The following HNF4A variants were observed in gnomAD, a reference collection of about 807,000 sequenced individuals.
HNF4A encodes the protein hepatocyte nuclear factor 4 alpha.
Under a neutral mutation model 52.4 loss-of-function variants are expected in HNF4A, and 15 were observed. The observed-to-expected ratio is 0.29, with a 90% CI of 0.19 to 0.44. The LOEUF is 0.44. HNF4A is among the 20% of genes least tolerant of loss of function. HNF4A has a pLI of 1.00. For synonymous variants in HNF4A, 280 were observed against 264.4 expected (o/e 1.06, Z -0.57); for missense variants, 479 against 647.2 (o/e 0.74, Z 2.82).
At chr20:44,395,935 G>A (rs1161274920) in intron 1 of HNF4A, among the ~76,000 whole-genome samples, 2 of 152,154 alleles carry the variant, frequency 1.3e-5, no homozygotes, top group African/African-American at 4.8e-5. Context: ...CAGCCCTGGG[G>A]TGGCCAGGCG....
chr20:44,426,288 A>AG (rs1011290974), intron 8 of HNF4A, among the ~76,000 whole-genome samples: 2 of 152,190 alleles, frequency 1.3e-5, no homozygotes, highest in Non-Finnish European at 2.9e-5. Flanking sequence ...TTGGATTGAC[A>AG]GCTGGAGGCT....
In HNF4A at chr20:44,419,774, G is replaced by T; in HGVS notation, c.790G>T (p.Val264Leu). ...CCCGGAGCTGGCGGAGATGAGCCGGGTGTCCATACGCATCCTTGACGAGCT... is the reference window on the plus strand; with the variant it reads ...CCCGGAGCTGGCGGAGATGAGCCGGTTGTCCATACGCATCCTTGACGAGCT... Residue 264 changes from valine to leucine, a missense_variant, in exon 7 of 10, where the codon GTG becomes TTG. Around this residue, in one of 3 missense-constraint regions of HNF4A, gnomAD observed 389 missense variants for 525.1 expected, o/e 0.74. Transcript: ENST00000316099. 1 of 1,614,206 alleles carries T rather than the reference G, an allele frequency of 6.2e-7. No individual in the cohort carries two copies. The highest frequency in any genetic ancestry group is 8.5e-7 in the Non-Finnish European group (1 of 1,180,026).
intron 1 of HNF4A, among the ~76,000 whole-genome samples, chr20:44,367,709 G>A (rs1193277602): frequency 1.3e-5 from 2 of 151,860 alleles, no homozygotes; most frequent in African/African-American, 2.4e-5. Flanking sequence ...CACTTTGGGA[G>A]GCTGAGGCAA....
At chr20:44,375,883 A>G (rs961069472) in intron 1 of HNF4A, among the ~76,000 whole-genome samples, 1 of 152,180 alleles carries the variant, frequency 6.6e-6, no homozygotes, top group Non-Finnish European at 1.5e-5. Context: ...ATTGACACCT[A>G]TGCAAGCTCT....
In HNF4A at chr20:44,424,396, T is replaced by C. The variant is rs1262587908; in HGVS notation, c.1129+142T>C. On this transcript the variant is annotated intron_variant, in intron 8 of 9. Transcript: ENST00000316099. ...GTTGCTTAACCTGTCTGTGCCTCAG[T>C]TTCCTCACCAGAAAAATGGGAACAA... 3 of 1,403,442 alleles carry C rather than the reference T, an allele frequency of 2.1e-6. No homozygotes were observed. In the African/African-American group the frequency reaches 4.3e-5, roughly 20 times the overall value. 86.9% of individuals were successfully genotyped at this position (1,403,442 alleles called of 1,614,324 possible).
In HNF4A at chr20:44,401,725, G is replaced by A. The variant is rs114091401; in HGVS notation, c.115+238G>A. Among the ~76,000 whole-genome samples the A allele has an allele frequency of 1.2e-3, 187 of 152,350 alleles. 2 individuals carry two copies. The highest frequency in any genetic ancestry group is 4.4e-3 in the African/African-American group (185 of 41,584). ...CAATTTCCAGCAAAAGTCGATCCCG[G>A]CTATTCCTCCCAGGCCCTTCCAGTC... On this transcript the variant is annotated intron_variant, in intron 1 of 9. Transcript: ENST00000316099.
intron 3 of HNF4A, among the ~76,000 whole-genome samples, chr20:44,411,977 A>G (rs2063590847): frequency 1.3e-5 from 2 of 151,794 alleles, no homozygotes; most frequent in African/African-American, 2.4e-5. Flanking sequence ...GGATCGCTTG[A>G]GCCCAGGAGG....
At chr20:44,425,952 G>A (rs192597137) in intron 8 of HNF4A, among the ~76,000 whole-genome samples, 69 of 152,272 alleles carry the variant, frequency 4.5e-4, no homozygotes, top group Non-Finnish European at 8.8e-4. Context: ...GAGCCACCAT[G>A]CCCAGCCTCA....
intron 1 of HNF4A, chr20:44,391,314 G>A (rs2063299510): frequency 6.6e-6 from 1 of 152,438 alleles, no homozygotes; most frequent in South Asian, 2.1e-4. Context: ...TCCATCCAGG[G>A]GACACCTTCC....
intron 1 of HNF4A, among the ~76,000 whole-genome samples, chr20:44,367,629 C>A: frequency 7.3e-6 from 1 of 137,068 alleles, no homozygotes. Flanking sequence ...AACAGAGCAA[C>A]ACTCCGTCTC....
intron 1 of HNF4A, among the ~76,000 whole-genome samples, chr20:44,393,028 G>C (rs1239735912): frequency 1.3e-5 from 2 of 152,176 alleles, no homozygotes; most frequent in Non-Finnish European, 2.9e-5. Flanking sequence ...CTTCACCTTA[G>C]TGACCTGGCA....
chr20:44,397,527 C>A (rs1010630862), upstream of HNF4A, among the ~76,000 whole-genome samples: 1 of 152,166 alleles, frequency 6.6e-6, no homozygotes, highest in African/African-American at 2.4e-5. Flanking sequence ...TGATTGTTAA[C>A]TATAATCGCT....
chr20:44,385,057 A>ATTTTTTTTTTTTTTTTTTTTT (rs1491454694), intron 1 of HNF4A, among the ~76,000 whole-genome samples: 4 of 29,938 alleles, frequency 1.3e-4, no homozygotes, highest in South Asian at 2.4e-3. Context: ...GAACTCTGTG[A>ATTTTTTTTTTTTTTTTTTTTT]TCTTTTTTTT....
chr20:44,358,861 C>T (rs911380183), intron 1 of HNF4A, among the ~76,000 whole-genome samples: 3 of 152,076 alleles, frequency 2.0e-5, no homozygotes, highest in Admixed American at 6.6e-5. Context: ...AAGAAATCCT[C>T]GTTGTGGTTT....
chr20:44,428,432 C>T lies in HNF4A; in HGVS notation c.1227C>T (p.Pro409=). The T allele has an allele frequency of 6.2e-7, 1 of 1,614,202 alleles. No individual in the cohort carries two copies. The highest frequency in any genetic ancestry group is 8.5e-7 in the Non-Finnish European group (1 of 1,180,018). ...ACGTCATCGTTGCCAACACAATGCC[C>T]ACTCACCTCAGCAACGGACAGATGT... Residue 409 remains proline, a synonymous_variant, in exon 9 of 10, where the codon CCC becomes CCT. Transcript: ENST00000316099.
Position 44,429,846 on chromosome 20 carries a change from C to A in HNF4A, c.*181C>A. ...CCACATCCCACTGCCACCCTTGACG[C>A]CCTGCTCTGGATAACAAGACTTTGA... is the stretch of plus-strand genomic sequence containing the variant. On this transcript the variant is annotated 3_prime_UTR_variant, in exon 10 of 10. Coordinates refer to ENST00000316099, the MANE Select transcript of HNF4A (RefSeq NM_000457.6). 1.6e-6 allele frequency: 1 copy of A among 640,252 alleles called. No homozygotes were observed. Among genetic ancestry groups the A allele is most frequent in the Admixed American group, 2.9e-5 (1 of 34,630 alleles). 39.7% of individuals were successfully genotyped at this position (640,252 alleles called of 1,614,324 possible).
chr20:44,414,850 A>G (rs2063640799), intron 5 of HNF4A, among the ~76,000 whole-genome samples, 188 bp downstream of exon 5: 1 of 152,034 alleles, frequency 6.6e-6, no homozygotes, highest in Non-Finnish European at 1.5e-5. Context: ...TCCTCCAACA[A>G]CTCTATGAGG....
intron 3 of HNF4A, among the ~76,000 whole-genome samples, chr20:44,413,203 G>A (rs2063611412): frequency 6.6e-6 from 1 of 152,218 alleles, no homozygotes; most frequent in Non-Finnish European, 1.5e-5. Context: ...TTAGTCTGGA[G>A]TACATGCAGC....
At chr20:44,405,007 T>TGTG (rs2063476606) in intron 1 of HNF4A, among the ~76,000 whole-genome samples, 2 of 147,852 alleles carry the variant, frequency 1.4e-5, no homozygotes, top group African/African-American at 2.5e-5. Flanking sequence ...GTGTGTGGTG[T>TGTG]GTGCGTGTGT....
Sources: allele counts gnomAD v4.1 joint callset (sites outside exome capture counted in the v4.1 genomes callset), GRCh38; gene constraint gnomAD v4.1.1; regional missense constraint gnomAD v4.1.1; transcripts MANE v1.5; gene names NCBI Gene and HGNC (gene_info 2026-07-23, HGNC 2026-07-21).